Variants in ANKRD36 observed in about 807,000 individuals in gnomAD.
The protein encoded by ANKRD36 is ankyrin repeat domain-containing protein 36A.
A neutral mutation model predicts 278.1 loss-of-function variants in ANKRD36; 179 were observed. That is an observed-to-expected ratio of 0.64 (90% confidence interval 0.57 to 0.73). The LOEUF is 0.73. Ranked by LOEUF, ANKRD36 falls within the 30% of genes least tolerant of loss-of-function variation. The pLI is 0.00. For synonymous variants in ANKRD36, 320 were observed against 641.1 expected (o/e 0.50, Z 7.57); for missense variants, 1,159 against 1,956.7 (o/e 0.59, Z 7.69).
At chr2:97,196,404 C>T (rs2059780570) in intron 40 of ANKRD36, among the ~76,000 whole-genome samples, 189 bp from the exon 41 acceptor site, 1 of 151,982 alleles carries the variant, frequency 6.6e-6, no homozygotes, top group South Asian at 2.1e-4. Flanking sequence ...GGGTATATTT[C>T]ATGGAGCCTG....
At chr2:97,157,046 A>G (rs1287027229) in intron 15 of ANKRD36, among the ~76,000 whole-genome samples, 1 of 151,652 alleles carries the variant, frequency 6.6e-6, no homozygotes, top group Non-Finnish European at 1.5e-5. Flanking sequence ...GTTCAAGGAC[A>G]TACATTACTC....
chr2:97,178,119 C>G (rs1432649122), intron 22 of ANKRD36, among the ~76,000 whole-genome samples: 1 of 150,400 alleles, frequency 6.6e-6, no homozygotes, highest in Non-Finnish European at 1.5e-5. Flanking sequence ...AAATCAAAAC[C>G]ACAATGAGAT....
rs964201784 is a variant in ANKRD36, at chr2:97,198,330, C to T, written c.2654-133C>T. 3.3e-6 allele frequency: 5 copies of T among 1,518,108 alleles called. No homozygotes were observed. The East Asian group carries it at 9.9e-5, about 30-fold the overall frequency. The allele number at this position is 1,518,108 out of a possible 1,614,324, so 94.0% of individuals were successfully genotyped here. On this transcript the variant is annotated intron_variant, in intron 42 of 75. Coordinates refer to ENST00000420699, the MANE Select transcript of ANKRD36 (RefSeq NM_001354587.1). ...TTTCTGTCACGTTCTAGTCCCCAGA[C>T]ACAAAGTAGAAGCCATCAAAGCGTA...
intron 22 of ANKRD36, among the ~76,000 whole-genome samples, chr2:97,178,700 G>A (rs1360427406): frequency 4.7e-5 from 7 of 149,912 alleles, no homozygotes; most frequent in Admixed American, 4.0e-4. Context: ...AGGGGAGAGG[G>A]ATAGCATTGG....
intron 38 of ANKRD36, among the ~76,000 whole-genome samples, chr2:97,193,732 A>G (rs1390372292): frequency 6.6e-6 from 1 of 151,678 alleles, no homozygotes; most frequent in African/African-American, 2.4e-5. Context: ...CATCAGAGAT[A>G]CATGTTTTGT....
chr2:97,198,268 A>G (rs1475917848), intron 42 of ANKRD36, among the ~76,000 whole-genome samples, 195 bp from the exon 43 acceptor site: 1 of 151,932 alleles, frequency 6.6e-6, no homozygotes, highest in African/African-American at 2.4e-5. Flanking sequence ...TTCTAAGACT[A>G]TATTTCATGG....
chr2:97,130,450 G>A (rs1296907404), intron 6 of ANKRD36, among the ~76,000 whole-genome samples: 2 of 123,208 alleles, frequency 1.6e-5, no homozygotes, highest in African/African-American at 6.1e-5. Flanking sequence ...CTGTTGTGGG[G>A]TGGGGGGAGG....
chr2:97,190,447 A>G (rs1260444533), intron 34 of ANKRD36, among the ~76,000 whole-genome samples: 1 of 150,882 alleles, frequency 6.6e-6, no homozygotes, highest in Non-Finnish European at 1.5e-5. Context: ...CAGATATCCA[A>G]GGTGATCAAT....
rs781383327 is a variant in ANKRD36, at chr2:97,187,433, T to C, written c.2143+32T>C. On this transcript the variant is annotated intron_variant, in intron 32 of 75. Coordinates refer to ENST00000420699, the MANE Select transcript of ANKRD36 (RefSeq NM_001354587.1). ...TTGCAAAACACATTCAATGTCATGT[T>C]CAATCCAGATAGAAAAGAACTTCTC... 1.8e-5 allele frequency: 23 copies of C among 1,307,876 alleles called. No individual in the cohort carries two copies. The Admixed American group carries it at 5.2e-4, about 30-fold the overall frequency. The allele number at this position is 1,307,876 out of a possible 1,614,324, so 81.0% of individuals were successfully genotyped here.
At position 97,181,732 on chromosome 2, in the gene ANKRD36, C is replaced by T. The variant is rs767504760; in HGVS notation, c.1776C>T (p.Asp592=). ...QKQPAEKATS[D]EKDSVSNIAT... ...CAAATCCCATTCAGGCTACAAGTGACGAGAAAGATTCTGTTTCAAATATAG... is the reference window on the plus strand; with the variant it reads ...CAAATCCCATTCAGGCTACAAGTGATGAGAAAGATTCTGTTTCAAATATAG... The change falls in exon 26 of 76, where the codon GAC becomes GAT. Residue 592 remains aspartate, a synonymous_variant. Coordinates refer to ENST00000420699, the MANE Select transcript of ANKRD36 (RefSeq NM_001354587.1). 130 of 1,608,846 alleles carry T rather than the reference C, an allele frequency of 8.1e-5. 1 individual carries two copies. The Middle Eastern group carries it at 1.0e-3, about 12-fold the overall frequency.
chr2:97,204,992 G>T (rs1176581271), intron 50 of ANKRD36, among the ~76,000 whole-genome samples: 1 of 151,404 alleles, frequency 6.6e-6, no homozygotes, highest in Non-Finnish European at 1.5e-5. Flanking sequence ...ACTTGAATAT[G>T]AATACATTGG....
chr2:97,182,827 C>G (rs2056561311), intron 26 of ANKRD36, among the ~76,000 whole-genome samples: 1 of 151,446 alleles, frequency 6.6e-6, no homozygotes, highest in Non-Finnish European at 1.5e-5. Context: ...TTTCTGTAGC[C>G]TAAACTAGAG....
At chr2:97,161,852 C>A (rs546119280) in intron 17 of ANKRD36, among the ~76,000 whole-genome samples, 65 of 152,306 alleles carry the variant, frequency 4.3e-4, no homozygotes, top group African/African-American at 1.5e-3. Context: ...AGTGTTATTG[C>A]CTTTGTGCTG....
chr2:97,139,983 A>G (rs1179650559), intron 6 of ANKRD36, among the ~76,000 whole-genome samples: 1 of 151,928 alleles, frequency 6.6e-6, no homozygotes, highest in Admixed American at 6.6e-5. Context: ...AACACCCTGT[A>G]AAGCTGTATT....
chr2:97,174,603 T>C (rs2053669356), intron 22 of ANKRD36, among the ~76,000 whole-genome samples: 1 of 151,796 alleles, frequency 6.6e-6, no homozygotes. Flanking sequence ...TTTTCCTAAT[T>C]GAATACCCTT....
At chr2:97,181,160 T>C (rs1245617504) in intron 24 of ANKRD36, among the ~76,000 whole-genome samples, 3 of 151,616 alleles carry the variant, frequency 2.0e-5, no homozygotes, top group Non-Finnish European at 4.4e-5. Context: ...GTGTACCTCC[T>C]AGTTATTGGG....
intron 32 of ANKRD36, among the ~76,000 whole-genome samples, chr2:97,187,702 A>G (rs1454963075): frequency 6.6e-6 from 1 of 151,836 alleles, no homozygotes; most frequent in Non-Finnish European, 1.5e-5. Flanking sequence ...CTTTAATTCT[A>G]CAGCATGGTT....
intron 62 of ANKRD36, 55 bp from the exon 63 acceptor site, chr2:97,217,122 G>A: frequency 1.3e-6 from 2 of 1,539,320 alleles, no homozygotes; most frequent in African/African-American, 1.4e-5. Flanking sequence ...ATGAATGTAT[G>A]GACGACTTTG....
intron 37 of ANKRD36, 37 bp from the exon 38 acceptor site, chr2:97,192,944 T>C (rs769663117): frequency 1.8e-5 from 29 of 1,585,784 alleles, no homozygotes; most frequent in Admixed American, 1.0e-4. Context: ...TGAAACATAC[T>C]TTATTAATTT....
Sources: gnomAD v4.1 joint callset for allele counts (sites outside exome capture counted in the v4.1 genomes callset) on GRCh38, gnomAD v4.1.1 for gene constraint, MANE v1.5 for transcripts, NCBI Gene and HGNC (gene_info 2026-07-23, HGNC 2026-07-21) for gene names.